SEMA5A: variants seen among roughly 807,000 people sequenced by gnomAD.
The protein encoded by SEMA5A is semaphorin-5A.
In SEMA5A, 55 loss-of-function variants were observed where a neutral mutation model predicts 135.5. The ratio of observed to expected loss-of-function variants is 0.41; its 90% CI spans 0.33 to 0.51. SEMA5A has a LOEUF of 0.51. SEMA5A is among the 20% of genes least tolerant of loss of function. The pLI is 0.37. For missense variants in SEMA5A, 1,290 were observed against 1,419.9 expected (o/e 0.91, Z 1.47); for synonymous variants, 580 against 546.5 (o/e 1.06, Z -0.85).
chr5:9,458,369 T>C (rs1228043302), intron 1 of SEMA5A, among the ~76,000 whole-genome samples: 1 of 152,216 alleles, frequency 6.6e-6, no homozygotes. Flanking sequence ...ATCTGATGAA[T>C]CTTTCGCTCT....
chr5:9,360,264 A>G (rs1014089911), intron 3 of SEMA5A, among the ~76,000 whole-genome samples: 1 of 152,210 alleles, frequency 6.6e-6, no homozygotes, highest in African/African-American at 2.4e-5. Context: ...GAGGGATGGG[A>G]TTTGATTCTG....
intron 18 of SEMA5A, among the ~76,000 whole-genome samples, chr5:9,060,278 A>G (rs1737113897): frequency 6.6e-6 from 1 of 152,244 alleles, no homozygotes; most frequent in Non-Finnish European, 1.5e-5. Context: ...CCACCAAATC[A>G]ACTAAAATGA....
chr5:9,417,587 C>T (rs1057094093), intron 2 of SEMA5A, among the ~76,000 whole-genome samples: 1 of 152,200 alleles, frequency 6.6e-6, no homozygotes, highest in Non-Finnish European at 1.5e-5. Context: ...CAAGAATGAT[C>T]ATGAAGGTTC....
chr5:9,084,793 G>C (rs1245802331), intron 16 of SEMA5A, among the ~76,000 whole-genome samples: 1 of 152,182 alleles, frequency 6.6e-6, no homozygotes, highest in Non-Finnish European at 1.5e-5. Flanking sequence ...TTTGGAACTG[G>C]GTAATAGGTA....
At chr5:9,044,723 G>C in intron 21 of SEMA5A, 139 bp from the exon 22 acceptor site, 2 of 676,452 alleles carry the variant, frequency 3.0e-6, no homozygotes, top group Non-Finnish European at 2.5e-6. Context: ...TCATTCTTAA[G>C]AGTCTTTCAT....
intron 15 of SEMA5A, among the ~76,000 whole-genome samples, chr5:9,109,028 ATTTTTTTTTTTTTTT>A (rs67762219): frequency 1.4e-4 from 13 of 92,440 alleles, no homozygotes; most frequent in African/African-American, 4.6e-4. Context: ...TTTCTCTTCA[ATTTTTTTTTTTTTTT>A]TTTTTTTTTT....
At chr5:9,108,408 T>C in intron 15 of SEMA5A, 121 bp from the exon 16 acceptor site, 1 of 1,150,056 alleles carries the variant, frequency 8.7e-7, no homozygotes, top group Non-Finnish European at 1.2e-6. Context: ...GTGGAGGAGC[T>C]TTTTGTATTT....
chr5:9,276,427 A>G (rs1344906340), intron 5 of SEMA5A, among the ~76,000 whole-genome samples: 2 of 152,308 alleles, frequency 1.3e-5, no homozygotes, highest in East Asian at 3.9e-4. Flanking sequence ...TCAAGCTACC[A>G]TTGACTTTCC....
intron 5 of SEMA5A, among the ~76,000 whole-genome samples, chr5:9,296,000 A>G (rs1030613307): frequency 3.9e-5 from 6 of 152,186 alleles, no homozygotes; most frequent in Non-Finnish European, 8.8e-5. Context: ...ATGCCAAATA[A>G]CAGCCCCAAT....
chr5:9,530,960 A>G (rs1470142609), intron 1 of SEMA5A, among the ~76,000 whole-genome samples: 4 of 152,146 alleles, frequency 2.6e-5, no homozygotes, highest in Admixed American at 2.0e-4. Flanking sequence ...AGCTCCAAGT[A>G]CCCTCTTCAC....
chr5:9,056,149 A>G (rs558802494), intron 18 of SEMA5A, among the ~76,000 whole-genome samples: 5 of 152,300 alleles, frequency 3.3e-5, no homozygotes, highest in Admixed American at 2.0e-4. Flanking sequence ...ATAACCAACC[A>G]TGTGTTCTGT....
At chr5:9,360,770 T>C (rs955665384) in intron 3 of SEMA5A, among the ~76,000 whole-genome samples, 1 of 152,176 alleles carries the variant, frequency 6.6e-6, no homozygotes, top group Non-Finnish European at 1.5e-5. Flanking sequence ...GCAAGAAAAC[T>C]AGAACTCTAA....
intron 11 of SEMA5A, among the ~76,000 whole-genome samples, chr5:9,157,956 T>C (rs1743045845): frequency 6.6e-6 from 1 of 152,252 alleles, no homozygotes; most frequent in Non-Finnish European, 1.5e-5. Context: ...ACCATGGTTT[T>C]AGTTACTAAC....
chr5:9,044,944 C>G (rs532589089), intron 21 of SEMA5A, among the ~76,000 whole-genome samples: 1 of 152,174 alleles, frequency 6.6e-6, no homozygotes, highest in South Asian at 2.1e-4. Flanking sequence ...GCCACCATGC[C>G]TGGCTAATTT....
chr5:9,390,836 A>G (rs1462976241), intron 2 of SEMA5A: 1 of 152,238 alleles, frequency 6.6e-6, no homozygotes, highest in Admixed American at 6.5e-5. Context: ...AAAAGATGCA[A>G]AAAATCCAAA....
chr5:9,419,629 C>T (rs1259206218), intron 2 of SEMA5A, among the ~76,000 whole-genome samples: 1 of 152,112 alleles, frequency 6.6e-6, no homozygotes, highest in East Asian at 1.9e-4. Context: ...CAGGTGGGCC[C>T]TGATAAGGTC....
chr5:9,183,668 T>C (rs1010153728), intron 11 of SEMA5A, among the ~76,000 whole-genome samples: 1 of 152,232 alleles, frequency 6.6e-6, no homozygotes, highest in East Asian at 1.9e-4. Flanking sequence ...GAGCTCATTA[T>C]GCTCCATTGC....
intron 7 of SEMA5A, among the ~76,000 whole-genome samples, chr5:9,225,746 T>C (rs1747273420): frequency 3.3e-5 from 5 of 152,244 alleles, no homozygotes; most frequent in Admixed American, 6.5e-5. Context: ...GCTAAGCGTC[T>C]TGGAGTCATT....
At chr5:9,284,440 A>T (rs1336269500) in intron 5 of SEMA5A, among the ~76,000 whole-genome samples, 1 of 152,190 alleles carries the variant, frequency 6.6e-6, no homozygotes, top group African/African-American at 2.4e-5. Flanking sequence ...ATGTAGGCAC[A>T]TCCTGAATGA....
Sources: allele counts gnomAD v4.1 joint callset (sites outside exome capture counted in the v4.1 genomes callset), GRCh38; gene constraint gnomAD v4.1.1; transcripts MANE v1.5; gene names NCBI Gene and HGNC (gene_info 2026-07-23, HGNC 2026-07-21).